The following PSMB2 variants were observed in gnomAD, a reference collection of about 807,000 sequenced individuals.
PSMB2 encodes proteasome subunit beta type-2.
A neutral mutation model predicts 25.7 loss-of-function variants in PSMB2; 13 were observed. That is an observed-to-expected ratio of 0.51 (90% CI 0.33 to 0.80). The LOEUF (loss-of-function observed/expected upper bound fraction) is 0.80, where lower values mean the gene tolerates loss of function less well. PSMB2 is among the 30% of genes least tolerant of loss of function. The pLI is 0.02. For missense variants in PSMB2, 202 were observed against 259.0 expected, an observed-to-expected ratio of 0.78 and a Z score of 1.51; for synonymous variants, 87 against 96.2, an observed-to-expected ratio of 0.90 and a Z score of 0.56.
chr1:35,620,988 GTATGTAGTATAAAATAAATAAATAAATA>G (rs1650665058), intron 3 of PSMB2, among the ~76,000 whole-genome samples: 1 of 151,712 alleles, frequency 6.6e-6, no homozygotes, highest in South Asian at 2.1e-4. Context: ...TCGATTTTAT[GTATGTAGTATAAAATAAATAAATAAATA>G]TATATATTTA....
At chr1:35,605,460 G>C (rs1032234955) in intron 4 of PSMB2, among the ~76,000 whole-genome samples, 178 bp from the exon 5 acceptor site, 3 of 152,326 alleles carry the variant, frequency 2.0e-5, no homozygotes, top group South Asian at 2.1e-4. Flanking sequence ...CAGCTGGGGG[G>C]GCCCCAGACC....
At chr1:35,612,997 C>G (rs1650384532) in intron 3 of PSMB2, among the ~76,000 whole-genome samples, 1 of 152,190 alleles carries the variant, frequency 6.6e-6, no homozygotes, top group Admixed American at 6.5e-5. Context: ...CTTAATTGGT[C>G]TATATAGTAT....
At chr1:35,606,608 A>G (rs1303516155) in intron 4 of PSMB2, among the ~76,000 whole-genome samples, 1 of 152,220 alleles carries the variant, frequency 6.6e-6, no homozygotes, top group African/African-American at 2.4e-5. Context: ...AATATTATGA[A>G]GATGACAACA....
At chr1:35,638,650 AAG>A (rs771297418) in intron 1 of PSMB2, among the ~76,000 whole-genome samples, 1 of 152,242 alleles carries the variant, frequency 6.6e-6, no homozygotes, top group Non-Finnish European at 1.5e-5. Context: ...GAATTCAGAA[AAG>A]AGAGAATTCT....
chr1:35,626,852 G>T (rs1650877764), intron 3 of PSMB2, among the ~76,000 whole-genome samples: 1 of 152,090 alleles, frequency 6.6e-6, no homozygotes, highest in Admixed American at 6.6e-5. Context: ...TAATACAATA[G>T]TTGTGGCTAT....
intron 2 of PSMB2, among the ~76,000 whole-genome samples, chr1:35,635,842 A>G (rs1651232236): frequency 6.6e-6 from 1 of 151,490 alleles, no homozygotes; most frequent in Non-Finnish European, 1.5e-5. Context: ...AAAAAAAAAA[A>G]AAAAAAAAAA....
At chr1:35,628,576 AAG>A (rs1471032485) in intron 3 of PSMB2, among the ~76,000 whole-genome samples, 3 of 7,510 alleles carry the variant, frequency 4.0e-4, no homozygotes, top group Admixed American at 3.2e-3. Context: ...ACTTTCTTGG[AAG>A]AAAAAAAAAA....
chr1:35,609,990 G>A (rs1174804834), intron 3 of PSMB2, among the ~76,000 whole-genome samples: 1 of 152,176 alleles, frequency 6.6e-6, no homozygotes, highest in Non-Finnish European at 1.5e-5. Context: ...GTGCTCTTTT[G>A]TCATTCCTAA....
chr1:35,635,259 CAA>C (rs1285421213), intron 2 of PSMB2, among the ~76,000 whole-genome samples: 1 of 136,362 alleles, frequency 7.3e-6, no homozygotes, highest in African/African-American at 2.7e-5. Context: ...AACTCCATCT[CAA>C]AAAAAAAAAA....
At chr1:35,612,099 C>T (rs1384099535) in intron 3 of PSMB2, among the ~76,000 whole-genome samples, 1 of 152,184 alleles carries the variant, frequency 6.6e-6, no homozygotes, top group Non-Finnish European at 1.5e-5. Flanking sequence ...AGTGATAGGA[C>T]AGTGGGTAGT....
At chr1:35,623,542 A>C (rs1650758398) in intron 3 of PSMB2, among the ~76,000 whole-genome samples, 1 of 152,236 alleles carries the variant, frequency 6.6e-6, no homozygotes, top group Non-Finnish European at 1.5e-5. Flanking sequence ...GTGTGGCAGC[A>C]GTGTCAAAGG....
chr1:35,624,934 G>A (rs1005754899), intron 3 of PSMB2, among the ~76,000 whole-genome samples: 6 of 151,962 alleles, frequency 3.9e-5, no homozygotes, highest in African/African-American at 1.5e-4. Flanking sequence ...GGTGGTGCAC[G>A]CCTGTAGTCC....
In PSMB2 at chr1:35,599,638, A is replaced by C; in HGVS notation, c.*3629T>G. The C allele has an allele frequency of 4.1e-6, 4 of 984,410 alleles. No individual in the cohort carries two copies. Among genetic ancestry groups the C allele is most frequent in the Non-Finnish European group, 4.8e-6 (4 of 828,988 alleles). 61.0% of individuals were successfully genotyped at this position (984,410 alleles called of 1,614,324 possible). A position where few individuals can be genotyped will look rare whatever the true frequency, so the allele number is the denominator to read the frequency against. ...ATGGAATGCCTAGCATGTCAAATCA[A>C]AGAATTGGGCTTTATTCTCTTAAGC... is the stretch of plus-strand genomic sequence containing the variant. On this transcript the variant is annotated 3_prime_UTR_variant, in exon 6 of 6. Transcript: ENST00000373237.
At chr1:35,620,650 C>A (rs1309019362) in intron 3 of PSMB2, among the ~76,000 whole-genome samples, 1 of 150,868 alleles carries the variant, frequency 6.6e-6, no homozygotes, top group African/African-American at 2.4e-5. Flanking sequence ...ATGGCGTGAA[C>A]CCGGGAGGCA....
In PSMB2 at chr1:35,601,554, G is replaced by A. The variant is rs530511173; in HGVS notation, c.*1713C>T. Reference sequence around the variant, plus strand: ...ATGGTGTAAGGCATTTATCATTGGCGTATTAAATAGTGTATAAGACACCCA... The same window carrying A: ...ATGGTGTAAGGCATTTATCATTGGCATATTAAATAGTGTATAAGACACCCA... On this transcript the variant is annotated 3_prime_UTR_variant, in exon 6 of 6. Coordinates refer to ENST00000373237, the MANE Select transcript of PSMB2 (RefSeq NM_002794.5). 24 of 985,102 alleles carry A rather than the reference G, an allele frequency of 2.4e-5. No homozygotes were observed. In the African/African-American group the frequency reaches 3.0e-4, roughly 12 times the overall value. The allele number at this position is 985,102 out of a possible 1,614,324, so 61.0% of individuals were successfully genotyped here. A position where few individuals can be genotyped will look rare whatever the true frequency, so the allele number is the denominator to read the frequency against.
intron 2 of PSMB2, among the ~76,000 whole-genome samples, chr1:35,635,158 C>G (rs1651209464): frequency 1.3e-5 from 2 of 151,710 alleles, no homozygotes; most frequent in East Asian, 3.9e-4. Context: ...ACTTGGGAGG[C>G]TGAGGCAGGA....
In PSMB2 at chr1:35,600,405, T is replaced by C. The variant is rs1191355734; in HGVS notation, c.*2862A>G. 1.2e-6 allele frequency: 1 copy of C among 807,292 alleles called. No homozygotes were observed. Among genetic ancestry groups the C allele is most frequent in the Non-Finnish European group, 1.5e-6 (1 of 667,816 alleles). 50.0% of individuals were successfully genotyped at this position (807,292 alleles called of 1,614,324 possible). Reference sequence around the variant, plus strand: ...CTCAGTTTTGACAAACATACTGTGGTATATAGAAGATGTTAACATTACAGA... The same window carrying C: ...CTCAGTTTTGACAAACATACTGTGGCATATAGAAGATGTTAACATTACAGA... On this transcript the variant is annotated 3_prime_UTR_variant, in exon 6 of 6. Coordinates refer to ENST00000373237, the MANE Select transcript of PSMB2 (RefSeq NM_002794.5).
At chr1:35,628,431 A>G (rs1241966773) in intron 3 of PSMB2, among the ~76,000 whole-genome samples, 1 of 151,432 alleles carries the variant, frequency 6.6e-6, no homozygotes, top group Middle Eastern at 3.2e-3. Flanking sequence ...CTGCCTGATA[A>G]GTCAGAGGAA....
intron 3 of PSMB2, among the ~76,000 whole-genome samples, chr1:35,625,511 C>T (rs1650828360): frequency 6.6e-6 from 1 of 152,080 alleles, no homozygotes; most frequent in Non-Finnish European, 1.5e-5. Context: ...GCCTGTAATC[C>T]TAGCACTTTG....
Sources: allele counts gnomAD v4.1 joint callset (sites outside exome capture counted in the v4.1 genomes callset), GRCh38; gene constraint gnomAD v4.1.1; transcripts MANE v1.5; gene names NCBI Gene and HGNC (gene_info 2026-07-23, HGNC 2026-07-21).